The following ADGRV1 variants were observed in gnomAD, a reference collection of about 807,000 sequenced individuals.
The protein encoded by ADGRV1 is adhesion G protein-coupled receptor V1, also known as G-protein coupled receptor 98.
In ADGRV1, 359 loss-of-function variants were observed where a neutral mutation model predicts 596.2. That is an observed-to-expected ratio of 0.60 (90% CI 0.55 to 0.66). The LOEUF is 0.66. ADGRV1 is among the 30% of genes least tolerant of loss of function. The pLI is 0.00. For missense variants in ADGRV1, 7,274 were observed against 7,575.6 expected, an observed-to-expected ratio of 0.96 and a Z score of 1.48; for synonymous variants, 2,681 against 2,679.2, an observed-to-expected ratio of 1.00 and a Z score of -0.02.
chr5:90,753,488 A>G, intron 53 of ADGRV1, 86 bp from the exon 54 acceptor site: 7 of 963,100 alleles, frequency 7.3e-6, no homozygotes, highest in Non-Finnish European at 1.1e-5. Flanking sequence ...TTATAGGTTT[A>G]ATAAAAGAAA....
In ADGRV1 at chr5:90,692,852, C is replaced by T; in HGVS notation, c.7133+66C>T. The T allele has an allele frequency of 2.5e-6, 3 of 1,212,882 alleles. No homozygotes were observed. In the South Asian group the frequency reaches 4.8e-5, roughly 20 times the overall value. The allele number at this position is 1,212,882 out of a possible 1,614,324, so 75.1% of individuals were successfully genotyped here. A position where few individuals can be genotyped will look rare whatever the true frequency, so the allele number is the denominator to read the frequency against. Reference sequence around the variant, plus strand: ...ATTGTGGGGTGGTGGGGAAGGATCCCTTGCACAGTTAAATCATTTAGGTTT... The same window carrying T: ...ATTGTGGGGTGGTGGGGAAGGATCCTTTGCACAGTTAAATCATTTAGGTTT... On this transcript the variant is annotated intron_variant, in intron 32 of 89. Coordinates refer to ENST00000405460, the MANE Select transcript of ADGRV1 (RefSeq NM_032119.4).
In ADGRV1 at chr5:90,690,757, C is replaced by G. The variant is rs542509567; in HGVS notation, c.6707-40C>G. On this transcript the variant is annotated intron_variant, in intron 30 of 89. Coordinates refer to ENST00000405460, the MANE Select transcript of ADGRV1 (RefSeq NM_032119.4). ...TTGGTTAACTGTTATCTCTGTTTCA[C>G]TTTGTATTTGAAATGAACTCTGCTC... is the stretch of plus-strand genomic sequence containing the variant. 1.4e-5 allele frequency: 22 copies of G among 1,564,572 alleles called. No homozygotes were observed. In the East Asian group the frequency reaches 5.1e-4, roughly 36 times the overall value.
chr5:90,867,473 A>G (rs574360850), intron 83 of ADGRV1, among the ~76,000 whole-genome samples: 1 of 152,218 alleles, frequency 6.6e-6, no homozygotes, highest in Non-Finnish European at 1.5e-5. Context: ...TTGGGATGTC[A>G]TTTTGCAATG....
At chr5:90,636,986 A>T (rs2069054598) in intron 10 of ADGRV1, among the ~76,000 whole-genome samples, 3 of 152,196 alleles carry the variant, frequency 2.0e-5, no homozygotes, top group Admixed American at 1.3e-4. Context: ...CCCTTGAATG[A>T]AACCTCCAAA....
At chr5:90,822,494 G>T (rs989005288) in intron 75 of ADGRV1, among the ~76,000 whole-genome samples, 7 of 152,120 alleles carry the variant, frequency 4.6e-5, no homozygotes, top group African/African-American at 1.4e-4. Context: ...CTGTATCTCT[G>T]TTTTGGTACC....
intron 87 of ADGRV1, among the ~76,000 whole-genome samples, chr5:91,129,909 A>G (rs1399678571): frequency 1.3e-5 from 2 of 152,128 alleles, no homozygotes; most frequent in African/African-American, 2.4e-5. Context: ...TTCAAGAAAT[A>G]CCCTTCTTAT....
intron 59 of ADGRV1, among the ~76,000 whole-genome samples, chr5:90,765,949 A>G (rs564625996): frequency 8.6e-5 from 13 of 151,454 alleles, no homozygotes; most frequent in East Asian, 5.8e-4. Context: ...TTGCTCTGTC[A>G]CCCAGGCTGG....
chr5:90,646,611 G>A (rs1767804979), intron 16 of ADGRV1, among the ~76,000 whole-genome samples: 1 of 151,886 alleles, frequency 6.6e-6, no homozygotes, highest in African/African-American at 2.4e-5. Flanking sequence ...ACTGTCTTTG[G>A]CCACCTGAGG....
intron 85 of ADGRV1, among the ~76,000 whole-genome samples, chr5:91,051,572 A>T (rs1168745981): frequency 1.7e-5 from 2 of 119,032 alleles, no homozygotes; most frequent in African/African-American, 3.3e-5. Context: ...TTTGAGGAAG[A>T]GTCTCACTCT....
intron 1 of ADGRV1, among the ~76,000 whole-genome samples, chr5:90,565,740 G>A (rs1386792872): frequency 6.6e-6 from 1 of 152,088 alleles, no homozygotes; most frequent in Non-Finnish European, 1.5e-5. Flanking sequence ...GTCACCCTGT[G>A]CTTCATTTTT....
At chr5:90,937,146 A>G (rs895478918) in intron 83 of ADGRV1, among the ~76,000 whole-genome samples, 7 of 152,096 alleles carry the variant, frequency 4.6e-5, no homozygotes, top group African/African-American at 1.7e-4. Flanking sequence ...AACCTTATAT[A>G]TTTGATCCTT....
In ADGRV1 at chr5:91,036,423, G is replaced by A. The variant is rs184024404; in HGVS notation, c.18153-36024G>A. Among the ~76,000 whole-genome samples the A allele has an allele frequency of 7.3e-4, 111 of 152,202 alleles. No homozygotes were observed. In the East Asian group the frequency reaches 0.017, roughly 24 times the overall value. On this transcript the variant is annotated intron_variant, in intron 85 of 89. Coordinates refer to ENST00000405460, the MANE Select transcript of ADGRV1 (RefSeq NM_032119.4). ...AAATACAAAAAAAAATTAGCCGGGC[G>A]TGGTGGCGGGCACCTGTAGTCCCAG...
chr5:91,139,018 C>T (rs909801749), intron 87 of ADGRV1, among the ~76,000 whole-genome samples: 10 of 152,148 alleles, frequency 6.6e-5, no homozygotes, highest in East Asian at 3.9e-4. Context: ...TGATCCACCC[C>T]CCTTGGCCTC....
In ADGRV1 at chr5:90,694,572, G is replaced by A. The variant is rs942796033; in HGVS notation, c.7816G>A (p.Val2606Met). 1 of 1,613,868 alleles carries A rather than the reference G, an allele frequency of 6.2e-7. No homozygotes were observed. The highest frequency in any genetic ancestry group is 8.5e-7 in the Non-Finnish European group (1 of 1,179,816). Residue 2606 changes from valine to methionine, a missense_variant, in exon 33 of 90, where the codon GTG (valine) becomes ATG (methionine). Physicochemically the swap from Val to Met is conservative, Grantham distance 21. Around this residue, in one of 5 missense-constraint regions of ADGRV1, gnomAD observed 3,643 missense variants for 3,809.2 expected, o/e 0.96. Coordinates refer to ENST00000405460, the MANE Select transcript of ADGRV1 (RefSeq NM_032119.4). ...AGTTCAGGAGCAGCCCCAAACCTTG[G>A]TGGAGCTGATGATACACAGGACAGG... ...VEVQEQPQTL[V>M]ELMIHRTGGS...
At chr5:91,001,079 TC>T (rs1244637124) in intron 85 of ADGRV1, among the ~76,000 whole-genome samples, 2 of 152,098 alleles carry the variant, frequency 1.3e-5, no homozygotes, top group East Asian at 3.9e-4. Context: ...CCTTTGTGTT[TC>T]CATTTTTCTT....
chr5:90,594,959 C>T (rs1419047572), intron 1 of ADGRV1, among the ~76,000 whole-genome samples: 1 of 148,926 alleles, frequency 6.7e-6, no homozygotes, highest in Non-Finnish European at 1.5e-5. Flanking sequence ...TTCCACAAAG[C>T]CGCCATTGTC....
At chr5:90,715,552 A>C (rs914059201) in intron 42 of ADGRV1, among the ~76,000 whole-genome samples, 1 of 152,178 alleles carries the variant, frequency 6.6e-6, no homozygotes, top group African/African-American at 2.4e-5. Context: ...TGTCTGCCAC[A>C]GTTATACATT....
chr5:90,784,640 G>T (rs538706654), intron 67 of ADGRV1, among the ~76,000 whole-genome samples: 2 of 152,072 alleles, frequency 1.3e-5, no homozygotes, highest in Admixed American at 1.3e-4. Flanking sequence ...GCATGGAGGG[G>T]TTCATGTGGT....
intron 83 of ADGRV1, among the ~76,000 whole-genome samples, chr5:90,960,043 G>A (rs1020559494): frequency 1.3e-5 from 2 of 151,568 alleles, no homozygotes; most frequent in Non-Finnish European, 2.9e-5. Flanking sequence ...GGAGGCTGAG[G>A]CAGGAGAATG....
Sources: allele counts gnomAD v4.1 joint callset (sites outside exome capture counted in the v4.1 genomes callset), GRCh38; gene constraint gnomAD v4.1.1; regional missense constraint gnomAD v4.1.1; transcripts MANE v1.5; gene names NCBI Gene and HGNC (gene_info 2026-07-23, HGNC 2026-07-21).